Variants in POU6F2 observed in about 807,000 individuals in gnomAD.
POU6F2 encodes the protein POU domain, class 6, transcription factor 2.
In POU6F2, 31 loss-of-function variants were observed where a neutral mutation model predicts 71.3. That is an observed-to-expected ratio of 0.43 (90% CI 0.33 to 0.59). POU6F2 has a LOEUF of 0.59. Ranked by LOEUF, POU6F2 falls within the 20% of genes least tolerant of loss-of-function variation. The probability of loss-of-function intolerance (pLI) is 0.04; values close to 1 mark genes in which losing one functional copy is unlikely to be tolerated. For synonymous variants in POU6F2, 347 were observed against 355.7 expected (o/e 0.98, Z 0.27); for missense variants, 783 against 856.8 (o/e 0.91, Z 1.07).
At chr7:39,134,556 A>G (rs1222748088) in intron 2 of POU6F2, among the ~76,000 whole-genome samples, 1 of 152,188 alleles carries the variant, frequency 6.6e-6, no homozygotes, top group Non-Finnish European at 1.5e-5. Context: ...TGTGGTCTAA[A>G]CTTTAATCCT....
At position 39,417,641 on chromosome 7, in the gene POU6F2, G is replaced by GA. The variant is rs578057821; in HGVS notation, c.1113+10909dup. 4.7e-4 allele frequency among the ~76,000 whole-genome samples: 72 copies of GA among 151,854 alleles called. No homozygotes were observed. The South Asian group carries it at 9.8e-3, about 21-fold the overall frequency. On this transcript the variant is annotated intron_variant, in intron 6 of 9. Coordinates refer to ENST00000518318, the MANE Select transcript of POU6F2 (RefSeq NM_001370959.1). ...AAACAACACAAAGATACACAAACAG[G>GA]AAAAAAAATGTTGCACACTCCCTAG...
At chr7:39,182,082 T>C (rs1793446332) in intron 2 of POU6F2, among the ~76,000 whole-genome samples, 2 of 152,214 alleles carry the variant, frequency 1.3e-5, no homozygotes, top group Admixed American at 6.5e-5. Flanking sequence ...AGATTTCAAT[T>C]TTTTTACTTC....
At chr7:39,378,444 G>C (rs1254286528) in intron 5 of POU6F2, among the ~76,000 whole-genome samples, 1 of 152,156 alleles carries the variant, frequency 6.6e-6, no homozygotes, top group Non-Finnish European at 1.5e-5. Context: ...TTGGTTTCAT[G>C]ATGTGGCATA....
At chr7:39,417,596 G>T (rs1322052994) in intron 6 of POU6F2, among the ~76,000 whole-genome samples, 5 of 152,170 alleles carry the variant, frequency 3.3e-5, no homozygotes, top group African/African-American at 1.2e-4. Flanking sequence ...CTTTATATTT[G>T]TAAGTAAATG....
intron 5 of POU6F2, among the ~76,000 whole-genome samples, chr7:39,404,333 A>AT (rs1260419358): frequency 6.6e-6 from 1 of 152,230 alleles, no homozygotes; most frequent in African/African-American, 2.4e-5. Context: ...ACAACACACT[A>AT]GTGTCCTAAA....
At chr7:39,110,920 A>T (rs1487372864) in intron 2 of POU6F2, among the ~76,000 whole-genome samples, 1 of 152,224 alleles carries the variant, frequency 6.6e-6, no homozygotes, top group Non-Finnish European at 1.5e-5. Context: ...TTATAACACT[A>T]TCATTGGTGA....
At chr7:39,452,605 T>A (rs1385699887) in intron 8 of POU6F2, among the ~76,000 whole-genome samples, 2 of 152,228 alleles carry the variant, frequency 1.3e-5, no homozygotes, top group Non-Finnish European at 2.9e-5. Flanking sequence ...AACAGTAGGA[T>A]CCTCACATAT....
chr7:39,404,788 A>G (rs1373777538), intron 5 of POU6F2: 1 of 148,432 alleles, frequency 6.7e-6, no homozygotes, highest in African/African-American at 2.6e-5. Context: ...TTCTCACTTC[A>G]GAAGTTAAAA....
intron 5 of POU6F2, among the ~76,000 whole-genome samples, chr7:39,350,567 C>T (rs183498191): frequency 1.3e-5 from 2 of 152,328 alleles, no homozygotes; most frequent in African/African-American, 4.8e-5. Context: ...GCCAAGTGGT[C>T]TTTGGGACCA....
intron 5 of POU6F2, among the ~76,000 whole-genome samples, chr7:39,374,120 C>T (rs1786664383): frequency 6.6e-6 from 1 of 152,050 alleles, no homozygotes; most frequent in Non-Finnish European, 1.5e-5. Context: ...TGTGAAAAGT[C>T]GCATTAGATT....
At chr7:39,327,392 T>C (rs952724045) in intron 4 of POU6F2, among the ~76,000 whole-genome samples, 3 of 152,198 alleles carry the variant, frequency 2.0e-5, no homozygotes, top group Non-Finnish European at 4.4e-5. Context: ...AAAGTTTCTC[T>C]TCAGTGTGAA....
At position 39,315,776 on chromosome 7, in the gene POU6F2, G is replaced by A. The variant is rs139782871; in HGVS notation, c.599-23866G>A. 4.4e-3 allele frequency among the ~76,000 whole-genome samples: 673 copies of A among 152,300 alleles called. 6 individuals carry two copies. Among genetic ancestry groups the A allele is most frequent in the Non-Finnish European group, 8.1e-3 (550 of 68,020 alleles). On this transcript the variant is annotated intron_variant, in intron 4 of 9. Coordinates refer to ENST00000518318, the MANE Select transcript of POU6F2 (RefSeq NM_001370959.1). ...AAAGAATGAACACGTTCAGTGTTTCGACTTCATGGGTGACACGGACCTAGG... is the reference window on the plus strand; with the variant it reads ...AAAGAATGAACACGTTCAGTGTTTCAACTTCATGGGTGACACGGACCTAGG...
chr7:39,234,520 G>A (rs1794637406), intron 4 of POU6F2, among the ~76,000 whole-genome samples: 1 of 152,044 alleles, frequency 6.6e-6, no homozygotes, highest in Admixed American at 6.6e-5. Context: ...ACAAAATGCA[G>A]CCATGTTGCT....
chr7:39,262,767 A>G (rs1469802790), intron 4 of POU6F2, among the ~76,000 whole-genome samples: 1 of 152,350 alleles, frequency 6.6e-6, no homozygotes, highest in East Asian at 1.9e-4. Flanking sequence ...TCCAACCAAC[A>G]TGAATCACGG....
chr7:39,398,424 A>G lies in POU6F2; in HGVS notation c.973-8176A>G, dbSNP rs1787224152. 2.0e-5 allele frequency among the ~76,000 whole-genome samples: 3 copies of G among 152,250 alleles called. No homozygotes were observed. In the South Asian group the frequency reaches 6.2e-4, roughly 32 times the overall value. ...AAAAAAAAAGTCTAATGAGCCATAT[A>G]GATCCACTATCCAGTTCCTACAATG... On this transcript the variant is annotated intron_variant, in intron 5 of 9. Transcript: ENST00000518318.
intron 4 of POU6F2, among the ~76,000 whole-genome samples, chr7:39,254,573 G>A (rs1052914694): frequency 3.3e-5 from 5 of 152,124 alleles, no homozygotes; most frequent in African/African-American, 7.2e-5. Flanking sequence ...TCCAGCATCC[G>A]CAAGCTCCTT....
intron 2 of POU6F2, among the ~76,000 whole-genome samples, chr7:39,171,054 G>T (rs547119677): frequency 1.0e-3 from 121 of 118,810 alleles, no homozygotes; most frequent in African/African-American, 3.7e-3. Flanking sequence ...TTTAAGTTCT[G>T]GGATACATGT....
intron 1 of POU6F2, among the ~76,000 whole-genome samples, chr7:39,073,079 G>T (rs191094318): frequency 6.6e-6 from 1 of 151,978 alleles, no homozygotes; most frequent in African/African-American, 2.4e-5. Context: ...ATTTCTCATT[G>T]TCCCTAGCAC....
intron 4 of POU6F2, among the ~76,000 whole-genome samples, chr7:39,219,987 A>G (rs2128748193): frequency 6.6e-6 from 1 of 152,348 alleles, no homozygotes; most frequent in South Asian, 2.1e-4. Flanking sequence ...TTCAAAGTTA[A>G]TGCTGCTAAC....
Sources: allele counts gnomAD v4.1 joint callset (sites outside exome capture counted in the v4.1 genomes callset), GRCh38; gene constraint gnomAD v4.1.1; transcripts MANE v1.5; gene names NCBI Gene and HGNC (gene_info 2026-07-23, HGNC 2026-07-21).